HS3ST2: variants seen among roughly 807,000 people sequenced by gnomAD.
The protein encoded by HS3ST2 is heparan sulfate-glucosamine 3-sulfotransferase 2.
In HS3ST2, 17 loss-of-function variants were observed where a neutral mutation model predicts 26.3. The observed-to-expected ratio is 0.65, with a 90% CI of 0.44 to 0.97. The LOEUF (loss-of-function observed/expected upper bound fraction) is 0.97. HS3ST2 is among the 50% of genes least tolerant of loss of function. The pLI, the probability that HS3ST2 is intolerant of heterozygous loss-of-function variation, is 0.00. For synonymous variants in HS3ST2, 237 were observed against 219.2 expected, an observed-to-expected ratio of 1.08 and a Z score of -0.72; for missense variants, 402 against 501.2, an observed-to-expected ratio of 0.80 and a Z score of 1.89.
At chr16:22,846,207 G>A (rs949309552) in intron 1 of HS3ST2, among the ~76,000 whole-genome samples, 4 of 152,012 alleles carry the variant, frequency 2.6e-5, no homozygotes, top group South Asian at 2.1e-4. Context: ...AACCCGGGAG[G>A]CAGAGGTTGC....
At chr16:22,855,696 G>GTCTCTGTCTCTC (rs1901583176) in intron 1 of HS3ST2, among the ~76,000 whole-genome samples, 3 of 142,940 alleles carry the variant, frequency 2.1e-5, no homozygotes, top group Admixed American at 7.0e-5. Context: ...CTGTCTCTCT[G>GTCTCTGTCTCTC]TCTCTCTCTC....
intron 1 of HS3ST2, among the ~76,000 whole-genome samples, chr16:22,848,222 A>T (rs776762188): frequency 1.3e-5 from 2 of 152,210 alleles, no homozygotes; most frequent in African/African-American, 4.8e-5. Flanking sequence ...TGCCTGTTTC[A>T]TCTTAGGCAG....
intron 1 of HS3ST2, among the ~76,000 whole-genome samples, chr16:22,820,553 AT>A (rs1336225198): frequency 2.0e-5 from 3 of 152,248 alleles, no homozygotes; most frequent in Non-Finnish European, 4.4e-5. Flanking sequence ...CAAGAGAGAA[AT>A]GAGAGCCAAG....
chr16:22,867,744 G>A (rs1901777088), intron 1 of HS3ST2, among the ~76,000 whole-genome samples: 1 of 152,184 alleles, frequency 6.6e-6, no homozygotes, highest in South Asian at 2.1e-4. Context: ...TGTTCTGGAA[G>A]AATATTTGGA....
intron 1 of HS3ST2, among the ~76,000 whole-genome samples, chr16:22,848,117 CTA>C (rs1420797643): frequency 6.8e-6 from 1 of 148,140 alleles, no homozygotes; most frequent in Non-Finnish European, 1.5e-5. Context: ...ATTGCTGGTG[CTA>C]TGTTTCATTT....
chr16:22,856,111 CA>C (rs1234963013), intron 1 of HS3ST2, among the ~76,000 whole-genome samples: 1 of 152,182 alleles, frequency 6.6e-6, no homozygotes, highest in African/African-American at 2.4e-5. Flanking sequence ...CTTAATTCTG[CA>C]AAAGCACTCT....
chr16:22,828,631 C>T (rs1267955227), intron 1 of HS3ST2, among the ~76,000 whole-genome samples: 3 of 152,186 alleles, frequency 2.0e-5, no homozygotes, highest in South Asian at 2.1e-4. Context: ...TTTGCTCAGG[C>T]GAGATGGCTT....
In HS3ST2 at chr16:22,837,545, GTA is replaced by G. The variant is rs1901282061; in HGVS notation, c.485+22458_485+22459del. On this transcript the variant is annotated intron_variant, in intron 1 of 1. Coordinates refer to ENST00000261374, the MANE Select transcript of HS3ST2 (RefSeq NM_006043.2). ...TACACATATATATACACAGATATATGTATATATATGTATATATATACATATAT... is the reference window on the plus strand; with the variant it reads ...TACACATATATATACACAGATATATGTATATATGTATATATATACATATAT... Among the ~76,000 whole-genome samples the G allele has an allele frequency of 2.9e-5, 4 of 135,754 alleles. No homozygotes were observed. The South Asian group carries it at 8.9e-4, about 30-fold the overall frequency. 89.1% of individuals were successfully genotyped at this position (135,754 alleles called of 152,430 possible).
At chr16:22,832,188 G>A (rs925052547) in intron 1 of HS3ST2, among the ~76,000 whole-genome samples, 3 of 140,584 alleles carry the variant, frequency 2.1e-5, no homozygotes, top group African/African-American at 7.7e-5. Context: ...GTGGAGATAG[G>A]GTCTTTCTGT....
chr16:22,837,119 G>GTTT (rs11435002), intron 1 of HS3ST2, among the ~76,000 whole-genome samples: 28 of 147,188 alleles, frequency 1.9e-4, no homozygotes, highest in African/African-American at 5.2e-4. Context: ...TGCCTATACA[G>GTTT]TTTTTTTTTT....
chr16:22,867,195 G>A (rs1901769335), intron 1 of HS3ST2, among the ~76,000 whole-genome samples: 1 of 152,172 alleles, frequency 6.6e-6, no homozygotes, highest in African/African-American at 2.4e-5. Flanking sequence ...TTAACAAATA[G>A]TGTTGAGACA....
intron 1 of HS3ST2, among the ~76,000 whole-genome samples, chr16:22,868,085 C>T (rs1422142785): frequency 6.6e-6 from 1 of 152,092 alleles, no homozygotes; most frequent in Non-Finnish European, 1.5e-5. Flanking sequence ...ACAAAAATTA[C>T]ACAGACATAC....
At chr16:22,815,896 T>C (rs1248790510) in intron 1 of HS3ST2, among the ~76,000 whole-genome samples, 1 of 152,248 alleles carries the variant, frequency 6.6e-6, no homozygotes, top group Non-Finnish European at 1.5e-5. Flanking sequence ...GTGATGCTTC[T>C]AAACCAGCAG....
intron 1 of HS3ST2, among the ~76,000 whole-genome samples, chr16:22,843,012 C>G (rs183350990): frequency 2.0e-5 from 3 of 152,232 alleles, no homozygotes; most frequent in Non-Finnish European, 1.5e-5. Context: ...TTAAATTGCT[C>G]TAGTATCTCA....
intron 1 of HS3ST2, among the ~76,000 whole-genome samples, chr16:22,854,419 C>T (rs2141186851): frequency 6.6e-6 from 1 of 152,082 alleles, no homozygotes. Flanking sequence ...TTCTTTAATT[C>T]AGGAACTTTT....
chr16:22,874,380 A>G (rs950348689), intron 1 of HS3ST2, among the ~76,000 whole-genome samples: 1 of 152,236 alleles, frequency 6.6e-6, no homozygotes, highest in African/African-American at 2.4e-5. Flanking sequence ...TCCACGTCCC[A>G]TCTGCAAGTT....
In HS3ST2 at chr16:22,862,276, T is replaced by G. The variant is rs954315894; in HGVS notation, c.485+47181T>G. On this transcript the variant is annotated intron_variant, in intron 1 of 1. Transcript: ENST00000261374. ...TTCATGAAGCAGGCTTCTCCTCAGC[T>G]TTTTTTTTTTTTTTTTTTGGTAGGG... Among the ~76,000 whole-genome samples, 575 of 88,094 alleles carry G rather than the reference T, an allele frequency of 6.5e-3. 3 individuals carry two copies. Among genetic ancestry groups the G allele is most frequent in the Non-Finnish European group, 8.1e-3 (426 of 52,676 alleles). 57.8% of individuals were successfully genotyped at this position (88,094 alleles called of 152,430 possible).
At chr16:22,891,346 A>G (rs1902126064) in intron 1 of HS3ST2, among the ~76,000 whole-genome samples, 3 of 152,212 alleles carry the variant, frequency 2.0e-5, no homozygotes, top group Admixed American at 2.0e-4. Flanking sequence ...AGTTCTGCAG[A>G]GTGAGTTTTA....
rs530987589 is a variant in HS3ST2 at position 22,907,167 on chromosome 16, C to G, written c.486-7777C>G. ...TAAAACACTTGGCAAGTGCAAAACA[C>G]ATATGAAAGGGCAGGTTCATGTTTG... On this transcript the variant is annotated intron_variant, in intron 1 of 1. Transcript: ENST00000261374. Among the ~76,000 whole-genome samples, 10 of 152,276 alleles carry G rather than the reference C, an allele frequency of 6.6e-5. No homozygotes were observed. The South Asian group carries it at 2.1e-3, about 32-fold the overall frequency.
Sources: allele counts gnomAD v4.1 joint callset (sites outside exome capture counted in the v4.1 genomes callset), GRCh38; gene constraint gnomAD v4.1.1; transcripts MANE v1.5; gene names NCBI Gene and HGNC (gene_info 2026-07-23, HGNC 2026-07-21).